The following GRM8 variants were observed in gnomAD, a reference collection of about 807,000 sequenced individuals.
The protein encoded by GRM8 is metabotropic glutamate receptor 8.
A neutral mutation model predicts 87.2 loss-of-function variants in GRM8; 47 were observed. The observed-to-expected ratio is 0.54, with a 90% CI of 0.43 to 0.69. The LOEUF is 0.69. GRM8 is among the 30% of genes least tolerant of loss of function. The pLI, the probability that GRM8 is intolerant of heterozygous loss-of-function variation, is 0.00. For synonymous variants in GRM8, 396 were observed against 404.5 expected (o/e 0.98, Z 0.25); for missense variants, 1,019 against 1,139.2 (o/e 0.89, Z 1.52).
intron 7 of GRM8, among the ~76,000 whole-genome samples, chr7:126,703,439 A>C (rs1042581776): frequency 6.6e-6 from 1 of 152,200 alleles, no homozygotes; most frequent in Non-Finnish European, 1.5e-5. Context: ...GAGTTTTATA[A>C]ATAAGAATCT....
chr7:126,793,874 G>A (rs909743373), intron 6 of GRM8, among the ~76,000 whole-genome samples: 3 of 152,094 alleles, frequency 2.0e-5, no homozygotes, highest in Admixed American at 1.3e-4. Flanking sequence ...AACCATGTGA[G>A]GTCAATGATG....
intron 3 of GRM8, among the ~76,000 whole-genome samples, chr7:127,017,117 AC>A (rs781000512): frequency 4.6e-5 from 7 of 151,864 alleles, no homozygotes; most frequent in Non-Finnish European, 1.0e-4. Context: ...TCTTTACAAA[AC>A]CCTTTATTAC....
At chr7:126,741,233 T>C (rs1814944422) in intron 7 of GRM8, among the ~76,000 whole-genome samples, 1 of 150,974 alleles carries the variant, frequency 6.6e-6, no homozygotes, top group Non-Finnish European at 1.5e-5. Flanking sequence ...TCTGTGTGCG[T>C]ACGTGTGTGT....
intron 2 of GRM8, among the ~76,000 whole-genome samples, chr7:127,193,949 T>C (rs1216262456): frequency 6.6e-6 from 1 of 152,148 alleles, no homozygotes; most frequent in Non-Finnish European, 1.5e-5. Flanking sequence ...TGAATTATAC[T>C]TGAAGCATGA....
intron 9 of GRM8, chr7:126,511,051 T>A (rs1811296671): frequency 6.6e-6 from 1 of 152,124 alleles, no homozygotes; most frequent in Non-Finnish European, 1.5e-5. Flanking sequence ...ATTCTTACAA[T>A]TCATACTCAT....
At chr7:126,451,913 A>G (rs1015384771) in intron 9 of GRM8, among the ~76,000 whole-genome samples, 3 of 151,712 alleles carry the variant, frequency 2.0e-5, no homozygotes, top group Admixed American at 1.3e-4. Flanking sequence ...AGTATCTAAC[A>G]CATTATATCC....
intron 3 of GRM8, among the ~76,000 whole-genome samples, chr7:127,051,006 A>G (rs1196073946): frequency 6.6e-6 from 1 of 150,564 alleles, no homozygotes; most frequent in African/African-American, 2.5e-5. Flanking sequence ...TAGATTTTTG[A>G]ATCCTATCAA....
chr7:126,481,382 T>C (rs1380454315), intron 9 of GRM8, among the ~76,000 whole-genome samples: 2 of 151,996 alleles, frequency 1.3e-5, no homozygotes, highest in African/African-American at 4.8e-5. Context: ...AATGAAAAAA[T>C]CATAACTTCA....
At chr7:126,523,006 A>G (rs1267141522) in intron 9 of GRM8, among the ~76,000 whole-genome samples, 1 of 152,230 alleles carries the variant, frequency 6.6e-6, no homozygotes, top group Non-Finnish European at 1.5e-5. Context: ...AAATGCCATC[A>G]TCAGCTATAA....
At chr7:126,542,813 G>A (rs1052172081) in intron 8 of GRM8, among the ~76,000 whole-genome samples, 4 of 152,192 alleles carry the variant, frequency 2.6e-5, no homozygotes, top group Non-Finnish European at 5.9e-5. Context: ...AGATCAGAGG[G>A]AGGATGGCAG....
At chr7:126,516,560 C>G (rs1242554340) in intron 9 of GRM8, among the ~76,000 whole-genome samples, 2 of 152,016 alleles carry the variant, frequency 1.3e-5, no homozygotes, top group Non-Finnish European at 2.9e-5. Flanking sequence ...TGAAATTAAA[C>G]TAAGCAAGCA....
At chr7:126,648,227 C>A (rs906071862) in intron 7 of GRM8, among the ~76,000 whole-genome samples, 2 of 152,140 alleles carry the variant, frequency 1.3e-5, no homozygotes, top group Non-Finnish European at 2.9e-5. Context: ...TTATTACACT[C>A]TCTCAAGCCA....
intron 9 of GRM8, among the ~76,000 whole-genome samples, chr7:126,508,576 T>A (rs76179496): frequency 3.2e-4 from 48 of 152,182 alleles, no homozygotes; most frequent in African/African-American, 1.1e-3. Flanking sequence ...TGAATGAGAT[T>A]TGTTTTAGTG....
chr7:126,599,399 T>C (rs1040229937), intron 8 of GRM8, among the ~76,000 whole-genome samples: 10 of 152,154 alleles, frequency 6.6e-5, no homozygotes, highest in Non-Finnish European at 1.3e-4. Context: ...TCAGTTATCA[T>C]AGGGTCAGCT....
At chr7:126,994,208 C>T (rs2131974480) in intron 3 of GRM8, among the ~76,000 whole-genome samples, 1 of 152,232 alleles carries the variant, frequency 6.6e-6, no homozygotes, top group African/African-American at 2.4e-5. Context: ...GCCCTACCTC[C>T]CAGATGACAT....
chr7:126,476,247 C>T (rs919627328), intron 9 of GRM8, among the ~76,000 whole-genome samples: 4 of 152,026 alleles, frequency 2.6e-5, no homozygotes, highest in Non-Finnish European at 5.9e-5. Flanking sequence ...CAATACTCAT[C>T]TCTAAAAATA....
At chr7:126,806,777 G>A (rs1000741942) in intron 6 of GRM8, among the ~76,000 whole-genome samples, 1 of 152,226 alleles carries the variant, frequency 6.6e-6, no homozygotes, top group Non-Finnish European at 1.5e-5. Flanking sequence ...AGCCCAGCAG[G>A]TGCCTGCCGG....
At chr7:127,174,773 T>C (rs981782769) in intron 2 of GRM8, among the ~76,000 whole-genome samples, 2 of 152,186 alleles carry the variant, frequency 1.3e-5, no homozygotes, top group African/African-American at 4.8e-5. Flanking sequence ...GTTTCAAAGT[T>C]TTCTCTGATG....
intron 6 of GRM8, among the ~76,000 whole-genome samples, chr7:126,877,084 T>A (rs1799585261): frequency 6.6e-6 from 1 of 152,144 alleles, no homozygotes; most frequent in South Asian, 2.1e-4. Flanking sequence ...TCTAACAAAT[T>A]TTTTTCCCAT....
Sources: gnomAD v4.1 joint callset for allele counts (sites outside exome capture counted in the v4.1 genomes callset) on GRCh38, gnomAD v4.1.1 for gene constraint, MANE v1.5 for transcripts, NCBI Gene and HGNC (gene_info 2026-07-23, HGNC 2026-07-21) for gene names.